Variants in PDGFC observed in about 807,000 individuals in gnomAD.
The protein encoded by PDGFC is platelet derived growth factor C, also known as platelet-derived growth factor C.
PDGFC carries 12 observed loss-of-function variants against 35.5 expected under a neutral mutation model. That is an observed-to-expected ratio of 0.34 (90% confidence interval 0.22 to 0.55). The LOEUF is 0.55. Among genes scored for constraint, PDGFC ranks in the 20% least tolerant of loss-of-function variants. The pLI, the probability that PDGFC is intolerant of heterozygous loss-of-function variation, is 0.91. For missense variants in PDGFC, 322 were observed against 412.4 expected, an observed-to-expected ratio of 0.78 and a Z score of 1.90; for synonymous variants, 159 against 148.8, an observed-to-expected ratio of 1.07 and a Z score of -0.50.
At chr4:156,873,072 A>G (rs1022191160) in intron 1 of PDGFC, among the ~76,000 whole-genome samples, 5 of 152,178 alleles carry the variant, frequency 3.3e-5, no homozygotes, top group Admixed American at 1.3e-4. Context: ...TTTAGGCTGC[A>G]GTATGCTGTG....
chr4:156,781,351 A>G (rs1350459457), intron 3 of PDGFC, among the ~76,000 whole-genome samples: 1 of 152,196 alleles, frequency 6.6e-6, no homozygotes, highest in Non-Finnish European at 1.5e-5. Flanking sequence ...TGCCTTTGCC[A>G]TTGTTGTCTG....
intron 1 of PDGFC, among the ~76,000 whole-genome samples, chr4:156,864,922 G>A (rs558837754): frequency 5.9e-5 from 9 of 151,928 alleles, no homozygotes; most frequent in Non-Finnish European, 1.3e-4. Flanking sequence ...TAAACCAATG[G>A]CTTGAGAAAG....
chr4:156,814,529 T>C (rs1397715881), intron 2 of PDGFC, among the ~76,000 whole-genome samples: 1 of 152,124 alleles, frequency 6.6e-6, no homozygotes, highest in African/African-American at 2.4e-5. Context: ...AATACACTGC[T>C]TCAGCAGAAC....
intron 1 of PDGFC, among the ~76,000 whole-genome samples, chr4:156,869,481 C>G (rs1729927636): frequency 6.6e-6 from 1 of 152,044 alleles, no homozygotes; most frequent in African/African-American, 2.4e-5. Context: ...TATCACATAG[C>G]TACTGTTGTT....
intron 1 of PDGFC, among the ~76,000 whole-genome samples, chr4:156,932,635 C>G (rs1731578676): frequency 6.6e-6 from 1 of 151,308 alleles, no homozygotes; most frequent in Non-Finnish European, 1.5e-5. Flanking sequence ...TCTCAGCAAA[C>G]TATCTCAAGG....
chr4:156,923,321 T>G (rs1731332455), intron 1 of PDGFC, among the ~76,000 whole-genome samples: 1 of 152,180 alleles, frequency 6.6e-6, no homozygotes, highest in Admixed American at 6.5e-5. Flanking sequence ...CATGGCTGCT[T>G]CTTTCTCATC....
rs1397980243 is a variant in PDGFC, at chr4:156,947,340, C to A, written c.118+23446G>T. The stretch of plus-strand genomic sequence containing the variant: ...CTCAAAAGACTCCACATTTACTTTT[C>A]TACTCAAAACTCTCTTTTAATTTAA... On this transcript the variant is annotated intron_variant, in intron 1 of 5. Coordinates refer to ENST00000502773, the MANE Select transcript of PDGFC (RefSeq NM_016205.3). Among the ~76,000 whole-genome samples the A allele has an allele frequency of 2.0e-5, 3 of 152,118 alleles. No individual in the cohort carries two copies. In the East Asian group the frequency reaches 5.8e-4, roughly 30 times the overall value.
chr4:156,850,406 A>T lies in PDGFC; in HGVS notation c.129T>A (p.Asp43Glu). ...CAGTAATAATTCTCTCATGCTGAGGATCTTGTACTCCTAAAGCAAAAAACA... is the reference window on the plus strand; with the variant it reads ...CAGTAATAATTCTCTCATGCTGAGGTTCTTGTACTCCTAAAGCAAAAAACA... The part of the protein sequence containing the change: ...SSNKEQNGVQ[D>E]PQHERIITVS... The change falls in exon 2 of 6, where the codon GAT (aspartate) becomes GAA (glutamate). Residue 43 changes from aspartate to glutamate, a missense_variant. Coordinates refer to ENST00000502773, the MANE Select transcript of PDGFC (RefSeq NM_016205.3). 6.3e-7 allele frequency: 1 copy of T among 1,582,962 alleles called. No individual in the cohort carries two copies. The highest frequency in any genetic ancestry group is 8.6e-7 in the Non-Finnish European group (1 of 1,162,726).
At chr4:156,916,729 T>A (rs1731163802) in intron 1 of PDGFC, among the ~76,000 whole-genome samples, 1 of 152,250 alleles carries the variant, frequency 6.6e-6, no homozygotes, top group African/African-American at 2.4e-5. Context: ...TTAATAGGAC[T>A]GCACTTAGCT....
chr4:156,911,472 T>C (rs1201772671), intron 1 of PDGFC, among the ~76,000 whole-genome samples: 1 of 152,082 alleles, frequency 6.6e-6, no homozygotes, highest in African/African-American at 2.4e-5. Context: ...ATGATGAGTG[T>C]TGTAAATAAT....
chr4:156,868,531 A>C (rs1255452200), intron 1 of PDGFC, among the ~76,000 whole-genome samples: 1 of 152,184 alleles, frequency 6.6e-6, no homozygotes. Context: ...GGAAAACCCA[A>C]AGAGGATATG....
intron 3 of PDGFC, among the ~76,000 whole-genome samples, chr4:156,801,314 G>A (rs532397744): frequency 6.6e-6 from 1 of 152,098 alleles, no homozygotes; most frequent in African/African-American, 2.4e-5. Flanking sequence ...AGGCTGATTT[G>A]AGTAATAATA....
At chr4:156,960,256 A>ATATATATATATATATATATATATATG (rs1181232846) in intron 1 of PDGFC, among the ~76,000 whole-genome samples, 1 of 147,020 alleles carries the variant, frequency 6.8e-6, no homozygotes, top group African/African-American at 2.5e-5. Context: ...TAACTGTTAT[A>ATATATATATATATATATATATATATG]TATATATATA....
At chr4:156,945,680 A>G (rs1400299655) in intron 1 of PDGFC, among the ~76,000 whole-genome samples, 1 of 151,882 alleles carries the variant, frequency 6.6e-6, no homozygotes. Flanking sequence ...TGGCAGAGCA[A>G]TTACTCATTT....
intron 3 of PDGFC, among the ~76,000 whole-genome samples, chr4:156,795,624 T>A (rs1409194720): frequency 6.6e-6 from 1 of 152,222 alleles, no homozygotes; most frequent in African/African-American, 2.4e-5. Context: ...AATATGTTCA[T>A]GAGCAGACTT....
intron 2 of PDGFC, chr4:156,842,199 G>T (rs1477479622): frequency 6.6e-6 from 1 of 152,052 alleles, no homozygotes; most frequent in Non-Finnish European, 1.5e-5. Context: ...CCCACAGCTT[G>T]TGCTCTGGGG....
chr4:156,940,043 T>C (rs1326531527), intron 1 of PDGFC, among the ~76,000 whole-genome samples: 1 of 152,090 alleles, frequency 6.6e-6, no homozygotes, highest in Admixed American at 6.6e-5. Context: ...TCAACAATAA[T>C]TCAAGTAGAT....
chr4:156,907,230 T>C (rs149308799), intron 1 of PDGFC, among the ~76,000 whole-genome samples: 55 of 152,300 alleles, frequency 3.6e-4, no homozygotes, highest in African/African-American at 1.3e-3. Context: ...TTTCACATCT[T>C]TGTAATGTAA....
intron 1 of PDGFC, among the ~76,000 whole-genome samples, chr4:156,905,948 G>A (rs1730905590): frequency 1.3e-5 from 2 of 152,042 alleles, no homozygotes; most frequent in Non-Finnish European, 2.9e-5. Flanking sequence ...AGCCTGTTAT[G>A]TAAAGTGTCA....
Sources: gnomAD v4.1 joint callset for allele counts (sites outside exome capture counted in the v4.1 genomes callset) on GRCh38, gnomAD v4.1.1 for gene constraint, MANE v1.5 for transcripts, NCBI Gene and HGNC (gene_info 2026-07-23, HGNC 2026-07-21) for gene names.